TTLL11: variants seen among roughly 807,000 people sequenced by gnomAD.
The protein encoded by TTLL11 is tubulin tyrosine ligase like 11.
A neutral mutation model predicts 51.7 loss-of-function variants in TTLL11; 42 were observed. The observed-to-expected ratio is 0.81, with a 90% CI of 0.64 to 1.05. The LOEUF (loss-of-function observed/expected upper bound fraction) is 1.05. TTLL11 is among the 50% of genes least tolerant of loss of function. The probability of loss-of-function intolerance (pLI) is 0.00; values close to 1 mark genes in which losing one functional copy is unlikely to be tolerated. For missense variants in TTLL11, 799 were observed against 940.4 expected (o/e 0.85, Z 1.97); for synonymous variants, 381 against 383.5 (o/e 0.99, Z 0.08).
At chr9:121,899,945 T>C (rs1423423389) in intron 6 of TTLL11, among the ~76,000 whole-genome samples, 1 of 152,226 alleles carries the variant, frequency 6.6e-6, no homozygotes, top group Non-Finnish European at 1.5e-5. Context: ...TATTTAACTC[T>C]GTCAATAACC....
intron 8 of TTLL11, among the ~76,000 whole-genome samples, chr9:121,840,821 C>T (rs913666715): frequency 1.3e-5 from 2 of 152,174 alleles, no homozygotes; most frequent in Non-Finnish European, 2.9e-5. Flanking sequence ...CCTAGTGAGA[C>T]CCCATCTACC....
intron 3 of TTLL11, among the ~76,000 whole-genome samples, chr9:122,006,997 A>AAAC (rs1554781305): frequency 1.6e-4 from 23 of 145,716 alleles, no homozygotes; most frequent in African/African-American, 4.5e-4. Flanking sequence ...AAAAAAAAAA[A>AAAC]AAAAAAAAAA....
chr9:122,024,325 T>C (rs900532393), intron 3 of TTLL11, among the ~76,000 whole-genome samples: 3 of 152,180 alleles, frequency 2.0e-5, no homozygotes, highest in Non-Finnish European at 4.4e-5. Context: ...ACCATGTCAA[T>C]GGGTCAGAAG....
At position 122,071,349 on chromosome 9, in the gene TTLL11, C is replaced by T. The variant is rs575076835; in HGVS notation, c.462+21338G>A. On this transcript the variant is annotated intron_variant, in intron 1 of 8. Coordinates refer to ENST00000321582, the MANE Select transcript of TTLL11 (RefSeq NM_001139442.2). ...ATACCCAGGCAATGAGAATGCGAGC[C>T]GCACACAAATCTCTCCCCGCTGCTT... 1.0e-3 allele frequency among the ~76,000 whole-genome samples: 156 copies of T among 152,280 alleles called. 2 individuals carry two copies. In the South Asian group the frequency reaches 0.012, roughly 12 times the overall value.
chr9:121,998,916 G>A (rs914709164), intron 3 of TTLL11, among the ~76,000 whole-genome samples: 5 of 152,118 alleles, frequency 3.3e-5, no homozygotes, highest in Non-Finnish European at 7.4e-5. Flanking sequence ...CTGAGATTAT[G>A]GGCATGAGCC....
At chr9:121,889,082 C>A (rs560103025) in intron 6 of TTLL11, among the ~76,000 whole-genome samples, 2 of 152,038 alleles carry the variant, frequency 1.3e-5, no homozygotes, top group African/African-American at 4.8e-5. Flanking sequence ...TCTAATACAT[C>A]GTGAGTTTAC....
At chr9:121,946,991 G>A (rs188550529) in intron 6 of TTLL11, among the ~76,000 whole-genome samples, 53 of 152,222 alleles carry the variant, frequency 3.5e-4, no homozygotes, top group Admixed American at 1.5e-3. Flanking sequence ...CCCTCATGGT[G>A]TGGTCATGTT....
chr9:121,967,989 G>A (rs532652217), intron 6 of TTLL11, among the ~76,000 whole-genome samples: 4 of 152,308 alleles, frequency 2.6e-5, no homozygotes, highest in East Asian at 1.9e-4. Context: ...GGGAAGTGGG[G>A]GGAGGGGGAA....
chr9:121,928,001 C>G (rs1052995966), intron 6 of TTLL11, among the ~76,000 whole-genome samples: 8 of 152,150 alleles, frequency 5.3e-5, no homozygotes, highest in Admixed American at 2.6e-4. Context: ...ATTCCCAACC[C>G]TGAGACTTGG....
At chr9:122,025,114 T>G (rs1037936324) in intron 3 of TTLL11, among the ~76,000 whole-genome samples, 2 of 151,810 alleles carry the variant, frequency 1.3e-5, no homozygotes, top group Non-Finnish European at 2.9e-5. Flanking sequence ...ATTCAAAATA[T>G]ATAAAAATTC....
chr9:121,905,672 G>A (rs967257812), intron 6 of TTLL11, among the ~76,000 whole-genome samples: 1 of 152,044 alleles, frequency 6.6e-6, no homozygotes, highest in Non-Finnish European at 1.5e-5. Context: ...TTTATTATAA[G>A]CATTTTTGCC....
chr9:122,018,408 G>A (rs561002518), intron 3 of TTLL11, among the ~76,000 whole-genome samples: 12 of 152,210 alleles, frequency 7.9e-5, no homozygotes, highest in South Asian at 4.1e-4. Flanking sequence ...CACCGCGCCC[G>A]GCCAGTAATA....
chr9:121,903,260 G>A (rs368734336), intron 6 of TTLL11, among the ~76,000 whole-genome samples: 1 of 152,094 alleles, frequency 6.6e-6, no homozygotes, highest in Non-Finnish European at 1.5e-5. Context: ...ACAAATAGGA[G>A]AGTCAGGATT....
chr9:121,850,644 T>C (rs1031322599), intron 8 of TTLL11, among the ~76,000 whole-genome samples: 2 of 152,170 alleles, frequency 1.3e-5, no homozygotes, highest in African/African-American at 2.4e-5. Context: ...CCCCAGCTGA[T>C]TGGATGGTGC....
At chr9:122,055,226 T>TAGATAGATAGAC (rs1434813519) in intron 1 of TTLL11, among the ~76,000 whole-genome samples, 1 of 151,248 alleles carries the variant, frequency 6.6e-6, no homozygotes, top group Admixed American at 6.6e-5. Context: ...GATAGATAGA[T>TAGATAGATAGAC]AGATAGATAG....
chr9:121,864,144 T>C (rs1459599219), intron 7 of TTLL11, among the ~76,000 whole-genome samples: 1 of 152,204 alleles, frequency 6.6e-6, no homozygotes, highest in African/African-American at 2.4e-5. Flanking sequence ...TTGGAATGAA[T>C]TTTTCATCCA....
intron 7 of TTLL11, among the ~76,000 whole-genome samples, chr9:121,867,340 G>A (rs145168321): frequency 6.2e-4 from 95 of 152,224 alleles, no homozygotes; most frequent in Non-Finnish European, 6.9e-4. Context: ...CTTTAGACAC[G>A]GGATGTGCTC....
rs1197629529 is a variant in TTLL11, at chr9:121,938,291, AAAG to A, written c.1481+35715_1481+35717del. Reference sequence around the variant, plus strand: ...GGAACAGAGTGAGACGCTGTCTCAAAAAGAAAAAAAAAAAAATCAGGAATATGA... The same window carrying A: ...GGAACAGAGTGAGACGCTGTCTCAAAAAAAAAAAAAAAATCAGGAATATGA... On this transcript the variant is annotated intron_variant, in intron 6 of 8. Coordinates refer to ENST00000321582, the MANE Select transcript of TTLL11 (RefSeq NM_001139442.2). 1.1e-3 allele frequency among the ~76,000 whole-genome samples: 164 copies of A among 151,904 alleles called. 2 individuals carry two copies. Among genetic ancestry groups the A allele is most frequent in the African/African-American group, 3.7e-3 (153 of 41,322 alleles).
At chr9:121,880,718 C>T (rs1838753287) in intron 6 of TTLL11, among the ~76,000 whole-genome samples, 1 of 150,876 alleles carries the variant, frequency 6.6e-6, no homozygotes, top group Non-Finnish European at 1.5e-5. Flanking sequence ...AGCACAGCTC[C>T]CAGTACGCAG....
Sources: gnomAD v4.1 joint callset for allele counts (sites outside exome capture counted in the v4.1 genomes callset) on GRCh38, gnomAD v4.1.1 for gene constraint, MANE v1.5 for transcripts, NCBI Gene and HGNC (gene_info 2026-07-23, HGNC 2026-07-21) for gene names.